UGT1A8: variants seen among roughly 807,000 people sequenced by gnomAD.
UGT1A8 encodes the protein UDP-glucuronosyltransferase 1A8.
In UGT1A8, 39 loss-of-function variants were observed where a neutral mutation model predicts 45.3. The ratio of observed to expected loss-of-function variants is 0.86; its 90% CI spans 0.67 to 1.12. UGT1A8 has a LOEUF of 1.12. Ranked by LOEUF, UGT1A8 falls within the 50% of genes most tolerant of loss-of-function variation. The pLI, the probability that UGT1A8 is intolerant of heterozygous loss-of-function variation, is 0.00. For missense variants in UGT1A8, 719 were observed against 664.9 expected, an observed-to-expected ratio of 1.08 and a Z score of -0.90; for synonymous variants, 275 against 249.2, an observed-to-expected ratio of 1.10 and a Z score of -0.97.
intron 1 of UGT1A8, among the ~76,000 whole-genome samples, chr2:233,620,922 T>C (rs1196465976): frequency 6.6e-6 from 1 of 152,196 alleles, no homozygotes; most frequent in Non-Finnish European, 1.5e-5. Flanking sequence ...ATCTGCCTGA[T>C]GAGAAGGAAG....
Position 233,693,665 on chromosome 2 carries a change from C to A in UGT1A8, c.856-73369C>A, listed in dbSNP as rs199739194. The A allele has an allele frequency of 2.7e-5, 44 of 1,614,120 alleles. No individual in the cohort carries two copies. The highest frequency in any genetic ancestry group is 3.4e-5 in the Non-Finnish European group (40 of 1,180,056). On this transcript the variant is annotated intron_variant, in intron 1 of 4. Transcript: ENST00000373450. ...CCTTGTTAATTTGTTGGAGCCCTAT[C>A]TATTTTATTGTCTGTTTTCAAAGTA...
intron 1 of UGT1A8, among the ~76,000 whole-genome samples, chr2:233,731,210 T>A (rs2078122398): frequency 6.6e-6 from 1 of 152,162 alleles, no homozygotes; most frequent in Non-Finnish European, 1.5e-5. Context: ...AATACGTGTT[T>A]ATTTAGATTT....
At chr2:233,743,656 G>C (rs528527073) in intron 1 of UGT1A8, 2 of 1,367,266 alleles carry the variant, frequency 1.5e-6, no homozygotes, top group Non-Finnish European at 2.0e-6. Context: ...AGACGTACTC[G>C]AAGGGGTCCT....
At chr2:233,640,328 C>G (rs564464359) in intron 1 of UGT1A8, among the ~76,000 whole-genome samples, 2 of 152,080 alleles carry the variant, frequency 1.3e-5, no homozygotes, top group African/African-American at 4.8e-5. Flanking sequence ...TTTAAAGAAA[C>G]TTTTTGGCTG....
Position 233,759,652 on chromosome 2 carries a change from C to T in UGT1A8, c.856-7382C>T, listed in dbSNP as rs35665780. Among the ~76,000 whole-genome samples the T allele has an allele frequency of 2.9e-3, 358 of 121,974 alleles. 3 individuals are homozygous for T. Among genetic ancestry groups the T allele is most frequent in the Middle Eastern group, 0.024 (3 of 124 alleles). The allele number at this position is 121,974 out of a possible 152,430, so 80.0% of individuals were successfully genotyped here. A position where few individuals can be genotyped will look rare whatever the true frequency, so the allele number is the denominator to read the frequency against. On this transcript the variant is annotated intron_variant, in intron 1 of 4. Coordinates refer to ENST00000373450, the MANE Select transcript of UGT1A8 (RefSeq NM_019076.5). The stretch of plus-strand genomic sequence containing the variant: ...TCCTTCTTAGCATGCTTCACGATTT[C>T]TAAGTTCCTGCTCATGTGTTTAAAT...
At chr2:233,766,273 TGGCCCGGGCTC>T (rs1203864514) in intron 1 of UGT1A8, among the ~76,000 whole-genome samples, 29 of 151,808 alleles carry the variant, frequency 1.9e-4, no homozygotes, top group Admixed American at 3.9e-4. Context: ...CCGGGCTCGG[TGGCCCGGGCTC>T]GGTGGCCTGG....
At chr2:233,618,848 A>G (rs138781572) in intron 1 of UGT1A8, among the ~76,000 whole-genome samples, 12 of 152,276 alleles carry the variant, frequency 7.9e-5, no homozygotes, top group African/African-American at 2.2e-4. Flanking sequence ...AAGAAATTGA[A>G]CTTTCCTTTT....
At chr2:233,668,700 C>T (rs1483249196) in intron 1 of UGT1A8, among the ~76,000 whole-genome samples, 1 of 152,258 alleles carries the variant, frequency 6.6e-6, no homozygotes, top group Non-Finnish European at 1.5e-5. Context: ...TATTTCTCCA[C>T]ATCTTCTCTA....
At position 233,636,742 on chromosome 2, in the gene UGT1A8, G is replaced by A. The variant is rs371744958; in HGVS notation, c.855+18180G>A. ...ACTGGAAAGATCACTGAATTGCACA[G>A]TGAAGACTTACTCAACCTCGTACAC... On this transcript the variant is annotated intron_variant, in intron 1 of 4. Transcript: ENST00000373450. 17 of 1,614,088 alleles carry A rather than the reference G, an allele frequency of 1.1e-5. No individual in the cohort carries two copies. In the African/African-American group the frequency reaches 2.3e-4, roughly 22 times the overall value.
intron 1 of UGT1A8, among the ~76,000 whole-genome samples, chr2:233,621,420 C>T (rs1323316491): frequency 6.6e-6 from 1 of 152,116 alleles, no homozygotes; most frequent in East Asian, 1.9e-4. Context: ...GCTCTGCAGA[C>T]CTGGGGATGG....
chr2:233,728,044 C>T (rs568632744), intron 1 of UGT1A8, among the ~76,000 whole-genome samples: 1 of 152,330 alleles, frequency 6.6e-6, no homozygotes, highest in African/African-American at 2.4e-5. Context: ...GGATAAGCCT[C>T]ATTGGGCTTG....
At chr2:233,647,155 C>T (rs1056631682) in intron 1 of UGT1A8, among the ~76,000 whole-genome samples, 2 of 152,106 alleles carry the variant, frequency 1.3e-5, no homozygotes, top group Non-Finnish European at 1.5e-5. Context: ...GAGAACATCA[C>T]GGGAAACGCC....
chr2:233,628,137 C>T (rs1352150456), intron 1 of UGT1A8, among the ~76,000 whole-genome samples: 1 of 151,946 alleles, frequency 6.6e-6, no homozygotes, highest in African/African-American at 2.4e-5. Flanking sequence ...GTTTGTATTT[C>T]TTTCCTGTGC....
chr2:233,746,979 C>T (rs908945089), intron 1 of UGT1A8, among the ~76,000 whole-genome samples: 13 of 151,732 alleles, frequency 8.6e-5, no homozygotes, highest in African/African-American at 1.9e-4. Flanking sequence ...CCAGAGCGAG[C>T]GCAGGGTCAG....
Position 233,725,032 on chromosome 2 carries a change from C to T in UGT1A8, c.856-42002C>T, listed in dbSNP as rs1050826468. ...GCCAAACAGCAAAACCCGGTCTCCA[C>T]CAAAACCAGTCAGGCGTGGCGGCGC... On this transcript the variant is annotated intron_variant, in intron 1 of 4. Transcript: ENST00000373450. Among the ~76,000 whole-genome samples the T allele has an allele frequency of 4.4e-4, 66 of 148,404 alleles. 5 individuals are homozygous for T. Among genetic ancestry groups the T allele is most frequent in the Non-Finnish European group, 7.9e-4 (53 of 67,350 alleles).
intron 1 of UGT1A8, among the ~76,000 whole-genome samples, chr2:233,654,379 A>G (rs574270361): frequency 6.6e-6 from 1 of 152,140 alleles, no homozygotes; most frequent in African/African-American, 2.4e-5. Flanking sequence ...CAGGATTGTG[A>G]TCCAAACCCT....
intron 1 of UGT1A8, among the ~76,000 whole-genome samples, chr2:233,633,909 G>T (rs897909721): frequency 6.6e-6 from 1 of 151,940 alleles, no homozygotes; most frequent in Admixed American, 6.6e-5. Flanking sequence ...TTATGGTTTT[G>T]ATTTTAGATC....
At chr2:233,624,552 C>G (rs891350302) in intron 1 of UGT1A8, among the ~76,000 whole-genome samples, 2 of 152,040 alleles carry the variant, frequency 1.3e-5, no homozygotes, top group African/African-American at 2.4e-5. Context: ...TATTTCTAGA[C>G]TTTGTATTCT....
At chr2:233,652,075 G>A (rs2073757042) in intron 1 of UGT1A8, among the ~76,000 whole-genome samples, 1 of 152,198 alleles carries the variant, frequency 6.6e-6, no homozygotes, top group Non-Finnish European at 1.5e-5. Context: ...CAGTAGGAAG[G>A]AATTCAGGAT....
Sources: gnomAD v4.1 joint callset for allele counts (sites outside exome capture counted in the v4.1 genomes callset) on GRCh38, gnomAD v4.1.1 for gene constraint, MANE v1.5 for transcripts, NCBI Gene and HGNC (gene_info 2026-07-23, HGNC 2026-07-21) for gene names.